CNKSR2: variants seen among roughly 807,000 people sequenced by gnomAD.
CNKSR2 encodes connector enhancer of kinase suppressor of Ras 2.
Under a neutral mutation model 84.4 loss-of-function variants are expected in CNKSR2, and 14 were observed. The ratio of observed to expected loss-of-function variants is 0.17; its 90% confidence interval spans 0.11 to 0.26. The LOEUF (loss-of-function observed/expected upper bound fraction) is 0.26, where lower values mean the gene tolerates loss of function less well. Among genes scored for constraint, CNKSR2 ranks in the 10% least tolerant of loss-of-function variants. The pLI, the probability that CNKSR2 is intolerant of heterozygous loss-of-function variation, is 1.00. For missense variants in CNKSR2, 485 were observed against 771.2 expected (o/e 0.63, Z 4.40); for synonymous variants, 275 against 277.9 (o/e 0.99, Z 0.10).
chrX:21,429,731 C>G (rs1486806688), intron 2 of CNKSR2: 2 of 110,698 alleles, frequency 1.8e-5, no homozygotes, highest in Admixed American at 1.9e-4. Context: ...GACCACATCT[C>G]TACAAAAAAT....
chrX:21,608,650 A>G (rs192295236), intron 19 of CNKSR2, among the ~76,000 whole-genome samples: 81 of 111,170 alleles, frequency 7.3e-4, no homozygotes, highest in African/African-American at 2.6e-3. Context: ...CTATCCTCAT[A>G]TCCAAAAGAC....
chrX:21,511,100 A>G (rs147462878), intron 8 of CNKSR2, among the ~76,000 whole-genome samples: 1,767 of 111,687 alleles, frequency 0.016, 24 homozygotes, highest in African/African-American at 0.053. Context: ...TATATGATGC[A>G]TATGATAAAG....
chrX:21,598,774 T>C (rs975398715), intron 17 of CNKSR2, among the ~76,000 whole-genome samples: 2 of 112,814 alleles, frequency 1.8e-5, no homozygotes, highest in African/African-American at 3.2e-5. Context: ...CACTAAGATA[T>C]GGAAATCATG....
intron 3 of CNKSR2, among the ~76,000 whole-genome samples, chrX:21,437,700 G>T (rs2090728019): frequency 9.1e-6 from 1 of 109,614 alleles, no homozygotes; most frequent in South Asian, 3.9e-4. Context: ...TTAAATTAAT[G>T]ATATTCTCCT....
Position 21,503,643 on chromosome X carries a change from G to A in CNKSR2, c.810+2055G>A, listed in dbSNP as rs770334763. On this transcript the variant is annotated intron_variant, in intron 8 of 21. Coordinates refer to ENST00000379510, the MANE Select transcript of CNKSR2 (RefSeq NM_014927.5). ...AACAAAAGAGGAAGAATCCTAACAA[G>A]CATGTAAGTAAATCTCAGGATTCAA... is the stretch of plus-strand genomic sequence containing the variant. 8.2e-4 allele frequency: 110 copies of A among 134,066 alleles called. 1 individual carries two copies. The highest frequency in any genetic ancestry group is 1.5e-3 in the Non-Finnish European group (101 of 68,027). The allele number at this position is 134,066 out of a possible 1,213,427, so 11.0% of individuals were successfully genotyped here.
intron 11 of CNKSR2, among the ~76,000 whole-genome samples, chrX:21,548,128 A>T (rs995960376): frequency 8.9e-6 from 1 of 112,011 alleles, no homozygotes; most frequent in African/African-American, 3.2e-5. Flanking sequence ...GAATCAGTGA[A>T]TCCAAGAGGT....
In CNKSR2 at chrX:21,652,449, T is replaced by A; in HGVS notation, c.3033T>A (p.Ser1011Arg). 1 of 1,210,136 alleles carries A rather than the reference T, an allele frequency of 8.3e-7. No individual in the cohort carries two copies. Among genetic ancestry groups the A allele is most frequent in the African/African-American group, 1.7e-5 (1 of 57,694 alleles). The change falls in exon 22 of 22, where the codon AGT (serine) becomes AGA (arginine). Residue 1011 changes from serine (S) to arginine (R), a missense_variant. This residue lies in a region of CNKSR2 where 210 missense variants were observed against 291.5 expected (regional missense o/e 0.72). Transcript: ENST00000379510. ...CQNTTSNDPL[S>R]ISSEVDVITS... Reference sequence around the variant, plus strand: ...ATACCACCTCAAATGACCCACTGAGTATTTCTTCTGAAGTAGATGTAATCA... The same window carrying A: ...ATACCACCTCAAATGACCCACTGAGAATTTCTTCTGAAGTAGATGTAATCA...
chrX:21,383,557 T>C (rs1273718112), intron 1 of CNKSR2, among the ~76,000 whole-genome samples: 1 of 112,417 alleles, frequency 8.9e-6, no homozygotes, highest in Non-Finnish European at 1.9e-5. Flanking sequence ...ATGACTCTTA[T>C]GTGTTTACTT....
At chrX:21,642,277 T>A in intron 20 of CNKSR2, 1 of 752,831 alleles carries the variant, frequency 1.3e-6, no homozygotes, top group South Asian at 6.7e-5. Context: ...GGCTTTATTA[T>A]AGAATCTTCA....
At chrX:21,549,087 G>C (rs1262844681) in intron 11 of CNKSR2, among the ~76,000 whole-genome samples, 1 of 112,500 alleles carries the variant, frequency 8.9e-6, no homozygotes. Context: ...TCAGGCAAGA[G>C]AAAGAAATAA....
At chrX:21,537,619 C>G (rs1333277501) in intron 11 of CNKSR2, among the ~76,000 whole-genome samples, 1 of 110,933 alleles carries the variant, frequency 9.0e-6, no homozygotes, top group East Asian at 2.8e-4. Flanking sequence ...ATATAATGAC[C>G]TTCTTTTTAC....
intron 1 of CNKSR2, among the ~76,000 whole-genome samples, chrX:21,416,368 T>A (rs1027699019): frequency 8.9e-6 from 1 of 111,776 alleles, no homozygotes; most frequent in African/African-American, 3.2e-5. Context: ...GTTTTTTGCA[T>A]CAATATTCAT....
At chrX:21,499,450 A>G (rs922117326) in intron 7 of CNKSR2, among the ~76,000 whole-genome samples, 1 of 111,179 alleles carries the variant, frequency 9.0e-6, no homozygotes, top group Admixed American at 9.6e-5. Flanking sequence ...GGTTATTTTG[A>G]ACTGTATCTT....
chrX:21,535,818 A>C (rs1468006542), intron 11 of CNKSR2, among the ~76,000 whole-genome samples: 1 of 111,277 alleles, frequency 9.0e-6, no homozygotes, highest in Non-Finnish European at 1.9e-5. Context: ...GCAAACAGGA[A>C]CAATTTGACT....
chrX:21,506,796 C>G (rs925184223), intron 8 of CNKSR2: 1 of 110,947 alleles, frequency 9.0e-6, no homozygotes, highest in African/African-American at 3.3e-5. Context: ...TATGATTAAA[C>G]TTTATCTTTC....
intron 1 of CNKSR2, among the ~76,000 whole-genome samples, chrX:21,388,061 G>T (rs1439057031): frequency 9.1e-6 from 1 of 110,082 alleles, no homozygotes; most frequent in Admixed American, 9.7e-5. Context: ...CATCACGCCC[G>T]GCTAATTTTT....
At chrX:21,566,059 A>G (rs1236957989) in intron 13 of CNKSR2, among the ~76,000 whole-genome samples, 3 of 110,830 alleles carry the variant, frequency 2.7e-5, no homozygotes, top group Non-Finnish European at 5.7e-5. Flanking sequence ...TACACATTCC[A>G]TATACAGAGG....
At chrX:21,513,173 G>T (rs1034205045) in intron 8 of CNKSR2, among the ~76,000 whole-genome samples, 4 of 111,955 alleles carry the variant, frequency 3.6e-5, no homozygotes, top group African/African-American at 9.7e-5. Flanking sequence ...ATGGTAGAAA[G>T]ATTTGGGAAT....
At chrX:21,463,512 A>G (rs905985887) in intron 4 of CNKSR2, among the ~76,000 whole-genome samples, 12 of 111,320 alleles carry the variant, frequency 1.1e-4, no homozygotes. Flanking sequence ...ATTGCTTGTT[A>G]TTGGCCTCCT....
Sources: gnomAD v4.1 joint callset for allele counts (sites outside exome capture counted in the v4.1 genomes callset) on GRCh38, gnomAD v4.1.1 for gene constraint, gnomAD v4.1.1 regional missense constraint, MANE v1.5 for transcripts, NCBI Gene and HGNC (gene_info 2026-07-23, HGNC 2026-07-21) for gene names.